IPCEF1: variants seen among roughly 807,000 people sequenced by gnomAD.
IPCEF1 encodes interaction protein for cytohesin exchange factors 1.
In IPCEF1, 31 loss-of-function variants were observed where a neutral mutation model predicts 50.9. The observed-to-expected ratio is 0.61, with a 90% CI of 0.46 to 0.82. IPCEF1 has a LOEUF of 0.82. Among genes scored for constraint, IPCEF1 ranks in the 40% least tolerant of loss-of-function variants. The pLI, the probability that IPCEF1 is intolerant of heterozygous loss-of-function variation, is 0.00. For missense variants in IPCEF1, 458 were observed against 514.0 expected (o/e 0.89, Z 1.05); for synonymous variants, 181 against 192.0 (o/e 0.94, Z 0.47).
At chr6:154,246,117 G>A (rs1164748193) in intron 5 of IPCEF1, among the ~76,000 whole-genome samples, 1 of 152,126 alleles carries the variant, frequency 6.6e-6, no homozygotes, top group Admixed American at 6.5e-5. Context: ...AAGGTCGGGG[G>A]AAAGAAGGGG....
chr6:154,317,411 T>C (rs1316795385), intron 1 of IPCEF1, among the ~76,000 whole-genome samples: 1 of 151,454 alleles, frequency 6.6e-6, no homozygotes, highest in Non-Finnish European at 1.5e-5. Context: ...TAGCTGGGCA[T>C]GGTGGCAGGC....
intron 2 of IPCEF1, among the ~76,000 whole-genome samples, chr6:154,276,128 G>A (rs1406957456): frequency 6.6e-6 from 1 of 151,954 alleles, no homozygotes; most frequent in Admixed American, 6.6e-5. Context: ...AGGTTGCAGT[G>A]AGCCGAGATT....
chr6:154,186,328 T>C (rs187721490), intron 10 of IPCEF1, among the ~76,000 whole-genome samples: 33 of 152,352 alleles, frequency 2.2e-4, no homozygotes, highest in African/African-American at 6.5e-4. Context: ...CTTGAAATCA[T>C]CTTTGACTTC....
At chr6:154,197,778 T>C (rs1310735943) in intron 10 of IPCEF1, among the ~76,000 whole-genome samples, 1 of 152,178 alleles carries the variant, frequency 6.6e-6, no homozygotes, top group Non-Finnish European at 1.5e-5. Context: ...AGAATGCAAA[T>C]GGGATTTTAT....
At chr6:154,224,524 A>T (rs1366736094) in intron 5 of IPCEF1, among the ~76,000 whole-genome samples, 1 of 152,120 alleles carries the variant, frequency 6.6e-6, no homozygotes, top group Admixed American at 6.6e-5. Flanking sequence ...CCCAGCCAAC[A>T]CGGTGAAACC....
At chr6:154,243,298 G>T (rs770785838) in intron 5 of IPCEF1, among the ~76,000 whole-genome samples, 74 of 152,188 alleles carry the variant, frequency 4.9e-4, no homozygotes, top group Non-Finnish European at 7.6e-4. Context: ...TACCAGCTTG[G>T]ATTTCTACGG....
intron 10 of IPCEF1, among the ~76,000 whole-genome samples, chr6:154,195,076 T>G (rs1390350632): frequency 6.6e-6 from 1 of 152,002 alleles, no homozygotes; most frequent in African/African-American, 2.4e-5. Context: ...TCCCTAAACC[T>G]TCTTATGTCC....
intron 10 of IPCEF1, among the ~76,000 whole-genome samples, chr6:154,177,921 C>T (rs1800482610): frequency 1.3e-5 from 2 of 152,084 alleles, no homozygotes; most frequent in Non-Finnish European, 1.5e-5. Flanking sequence ...TAGATAAAGA[C>T]AATGTGTCAC....
chr6:154,356,201 T>C lies in IPCEF1; in HGVS notation c.-62+471A>G, dbSNP rs1784214784. Among the ~76,000 whole-genome samples the C allele has an allele frequency of 5.9e-5, 9 of 152,322 alleles. No individual in the cohort carries two copies. In the South Asian group the frequency reaches 1.7e-3, roughly 28 times the overall value. On this transcript the variant is annotated intron_variant, in intron 1 of 11. Transcript: ENST00000367220. ...ACCAACAACACCTAGCTTTCATTTTTATACCAGAGATATTTTGGCAAGCCT... is the reference window on the plus strand; with the variant it reads ...ACCAACAACACCTAGCTTTCATTTTCATACCAGAGATATTTTGGCAAGCCT...
At chr6:154,248,940 G>T (rs1781270748) in intron 3 of IPCEF1, among the ~76,000 whole-genome samples, 1 of 151,978 alleles carries the variant, frequency 6.6e-6, no homozygotes, top group African/African-American at 2.4e-5. Context: ...TTATAAGTAT[G>T]ATTTATGTAT....
chr6:154,169,962 T>A (rs1172038585), intron 10 of IPCEF1, among the ~76,000 whole-genome samples: 1 of 152,184 alleles, frequency 6.6e-6, no homozygotes, highest in Non-Finnish European at 1.5e-5. Context: ...AATAATGATA[T>A]GGAAGCCAAC....
At chr6:154,323,261 G>T (rs1206002147) in intron 1 of IPCEF1, among the ~76,000 whole-genome samples, 2 of 152,054 alleles carry the variant, frequency 1.3e-5, no homozygotes, top group South Asian at 2.1e-4. Context: ...TGCCCCTAGC[G>T]CCCCTCAACC....
chr6:154,261,736 T>G (rs1356004379), intron 3 of IPCEF1, among the ~76,000 whole-genome samples: 1 of 152,174 alleles, frequency 6.6e-6, no homozygotes, highest in Non-Finnish European at 1.5e-5. Flanking sequence ...AGCATTTTTT[T>G]TAGCACCACT....
At chr6:154,229,855 A>T (rs1428908225) in intron 5 of IPCEF1, among the ~76,000 whole-genome samples, 1 of 152,248 alleles carries the variant, frequency 6.6e-6, no homozygotes, top group Admixed American at 6.5e-5. Context: ...AATATGACAC[A>T]GCCATACGAC....
intron 5 of IPCEF1, among the ~76,000 whole-genome samples, chr6:154,235,233 A>C (rs2128630620): frequency 6.6e-6 from 1 of 152,332 alleles, no homozygotes; most frequent in South Asian, 2.1e-4. Context: ...TGAATATTAG[A>C]GATTTAGAAG....
At position 154,311,237 on chromosome 6, in the gene IPCEF1, T is replaced by C. The variant is rs750334148; in HGVS notation, c.-61-21481A>G. Among the ~76,000 whole-genome samples, 28 of 152,228 alleles carry C rather than the reference T, an allele frequency of 1.8e-4. 1 individual carries two copies. Among genetic ancestry groups the C allele is most frequent in the Non-Finnish European group, 2.8e-4 (19 of 68,034 alleles). On this transcript the variant is annotated intron_variant, in intron 1 of 11. Coordinates refer to ENST00000367220, the MANE Select transcript of IPCEF1 (RefSeq NM_001130700.2). ...GAGTGCTTTTCAATCTCTCTCTTAC[T>C]AACCTCCCTGCAGCACAGGATCCCA...
intron 3 of IPCEF1, among the ~76,000 whole-genome samples, chr6:154,249,427 G>T (rs1781282653): frequency 6.6e-6 from 1 of 152,170 alleles, no homozygotes; most frequent in African/African-American, 2.4e-5. Context: ...GAATGTAGAT[G>T]CTGGGTAAGA....
intron 1 of IPCEF1, among the ~76,000 whole-genome samples, chr6:154,352,138 T>C (rs1784129786): frequency 6.7e-6 from 1 of 149,498 alleles, no homozygotes; most frequent in South Asian, 2.1e-4. Context: ...GAACGTAAAG[T>C]AAAAGTTGAA....
intron 10 of IPCEF1, among the ~76,000 whole-genome samples, chr6:154,195,639 C>T (rs1473270695): frequency 6.6e-6 from 1 of 152,050 alleles, no homozygotes; most frequent in Non-Finnish European, 1.5e-5. Flanking sequence ...GTCTTGGGTC[C>T]CTGCTCTCTT....
Sources: gnomAD v4.1 joint callset for allele counts (sites outside exome capture counted in the v4.1 genomes callset) on GRCh38, gnomAD v4.1.1 for gene constraint, MANE v1.5 for transcripts, NCBI Gene and HGNC (gene_info 2026-07-23, HGNC 2026-07-21) for gene names.